EHHADH: variants seen among roughly 807,000 people sequenced by gnomAD.
The protein encoded by EHHADH is peroxisomal bifunctional enzyme.
In EHHADH, 48 loss-of-function variants were observed where a neutral mutation model predicts 64.4. That is an observed-to-expected ratio of 0.75 (90% CI 0.59 to 0.95). The LOEUF (loss-of-function observed/expected upper bound fraction) is 0.95, where lower values mean the gene tolerates loss of function less well. Among genes scored for constraint, EHHADH ranks in the 40% least tolerant of loss-of-function variants. EHHADH has a pLI of 0.00. For synonymous variants in EHHADH, 308 were observed against 326.7 expected (o/e 0.94, Z 0.62); for missense variants, 854 against 876.6 (o/e 0.97, Z 0.33).
At chr3:185,232,517 C>T (rs548768043) in intron 3 of EHHADH, among the ~76,000 whole-genome samples, 5 of 152,210 alleles carry the variant, frequency 3.3e-5, no homozygotes, top group South Asian at 2.1e-4. Context: ...GGTGCGATCT[C>T]GGCTCACTGC....
At chr3:185,251,004 A>T (rs1719729200) in intron 1 of EHHADH, among the ~76,000 whole-genome samples, 1 of 152,214 alleles carries the variant, frequency 6.6e-6, no homozygotes. Flanking sequence ...AAACAGGAAA[A>T]AAATGAAAAT....
chr3:185,203,592 G>A (rs1008505772), intron 6 of EHHADH, among the ~76,000 whole-genome samples: 5 of 152,176 alleles, frequency 3.3e-5, no homozygotes, highest in Admixed American at 3.3e-4. Context: ...AGCATCTGAG[G>A]AAGGAAGATA....
intron 6 of EHHADH, among the ~76,000 whole-genome samples, chr3:185,200,565 A>G (rs938777561): frequency 6.6e-6 from 1 of 152,198 alleles, no homozygotes; most frequent in Admixed American, 6.5e-5. Context: ...CAAGCTTCAT[A>G]TAGTTCTCTA....
At chr3:185,239,908 CTGTGGTTT>C in intron 2 of EHHADH, among the ~76,000 whole-genome samples, 1 of 152,122 alleles carries the variant, frequency 6.6e-6, no homozygotes, top group East Asian at 1.9e-4. Context: ...ATGATGTTGG[CTGTGGTTT>C]TGTTGTATAT....
chr3:185,223,112 G>A (rs900604574), intron 4 of EHHADH, among the ~76,000 whole-genome samples: 1 of 151,554 alleles, frequency 6.6e-6, no homozygotes, highest in Non-Finnish European at 1.5e-5. Context: ...TTTTTGCCTT[G>A]TGCTTTGGGA....
intron 2 of EHHADH, chr3:185,246,150 C>T (rs1019679632): frequency 1.8e-6 from 2 of 1,132,850 alleles, no homozygotes; most frequent in African/African-American, 3.1e-5. Flanking sequence ...TCTTAAGATC[C>T]TTTACAACTT....
rs776960559 is a variant in EHHADH at position 185,191,614 on chromosome 3, G to T, written c.*612C>A. ...TCACAGAATTGGGAAATCCTAGAAG[G>T]TTAGATGTTCTCTAAGACCCTTCTT... On this transcript the variant is annotated 3_prime_UTR_variant, in exon 7 of 7. Transcript: ENST00000231887. 2.0e-5 allele frequency: 3 copies of T among 152,254 alleles called. No individual in the cohort carries two copies. Among genetic ancestry groups the T allele is most frequent in the Non-Finnish European group, 4.4e-5 (3 of 68,114 alleles). 9.4% of individuals were successfully genotyped at this position (152,254 alleles called of 1,614,324 possible). A position where few individuals can be genotyped will look rare whatever the true frequency, so the allele number is the denominator to read the frequency against.
At chr3:185,207,045 T>C (rs769187953) in intron 5 of EHHADH, among the ~76,000 whole-genome samples, 1 of 152,116 alleles carries the variant, frequency 6.6e-6, no homozygotes. Context: ...TCCAGTACTC[T>C]GGGAGGCCGA....
intron 1 of EHHADH, 134 bp from the exon 2 acceptor site, chr3:185,248,651 G>C (rs371962830): frequency 3.3e-6 from 2 of 604,998 alleles, no homozygotes; most frequent in South Asian, 4.5e-5. Context: ...TCTCAATAAA[G>C]CTTCCAACAA....
intron 6 of EHHADH, among the ~76,000 whole-genome samples, chr3:185,194,441 C>T (rs1276801185): frequency 5.3e-5 from 8 of 151,980 alleles, no homozygotes; most frequent in Non-Finnish European, 7.4e-5. Context: ...GGAGAAAACC[C>T]GTCTCTACTA....
intron 3 of EHHADH, among the ~76,000 whole-genome samples, chr3:185,233,286 A>G (rs1379848084): frequency 6.6e-6 from 1 of 152,220 alleles, no homozygotes; most frequent in Admixed American, 6.5e-5. Flanking sequence ...ATTAATCTGA[A>G]CTACATTGTC....
At chr3:185,195,788 G>A (rs1718042604) in intron 6 of EHHADH, among the ~76,000 whole-genome samples, 1 of 152,156 alleles carries the variant, frequency 6.6e-6, no homozygotes. Context: ...GGGGGAGTGA[G>A]GGAAGACGGA....
At chr3:185,228,963 C>T (rs1719078538) in intron 4 of EHHADH, among the ~76,000 whole-genome samples, 1 of 151,824 alleles carries the variant, frequency 6.6e-6, no homozygotes, top group Non-Finnish European at 1.5e-5. Flanking sequence ...GCCACCATGC[C>T]CAGGTAATTT....
intron 5 of EHHADH, among the ~76,000 whole-genome samples, chr3:185,205,903 GCAA>G (rs1718375811): frequency 6.6e-6 from 1 of 152,104 alleles, no homozygotes; most frequent in Non-Finnish European, 1.5e-5. Flanking sequence ...TCTGAGATGT[GCAA>G]GCACCAAGAA....
chr3:185,225,938 A>G (rs1239833626), intron 4 of EHHADH, among the ~76,000 whole-genome samples: 1 of 152,102 alleles, frequency 6.6e-6, no homozygotes, highest in Non-Finnish European at 1.5e-5. Context: ...TTCACCTCCC[A>G]TTCCTAACAT....
chr3:185,204,062 G>A (rs1718302811), intron 6 of EHHADH, among the ~76,000 whole-genome samples: 1 of 149,700 alleles, frequency 6.7e-6, no homozygotes, highest in East Asian at 2.0e-4. Flanking sequence ...GAACCTGGGA[G>A]GTGGAGGTTG....
rs145221455 is a variant in EHHADH, at chr3:185,192,413, C to T, written c.1985G>A (p.Gly662Glu). 9 of 1,614,040 alleles carry T rather than the reference C, an allele frequency of 5.6e-6. No individual in the cohort carries two copies. In the African/African-American group the frequency reaches 1.1e-4, roughly 19 times the overall value. Residue 662 changes from glycine to glutamate, a missense_variant, in exon 7 of 7, where the codon GGG becomes GAG. Transcript: ENST00000231887. Reference protein sequence around the residue: ...HGYGWPRHKGGPMFYASTVGL... With the variant: ...HGYGWPRHKGEPMFYASTVGL... The stretch of plus-strand genomic sequence containing the variant: ...AACTGTGGAAGCATAGAACATGGGC[C>T]CGCCCTTGTGCCTTGGCCATCCATA...
chr3:185,252,463 G>A (rs1719776859), intron 1 of EHHADH, among the ~76,000 whole-genome samples: 1 of 151,004 alleles, frequency 6.6e-6, no homozygotes, highest in South Asian at 2.1e-4. Context: ...AATATTCCTA[G>A]TCATGGGTAT....
At chr3:185,238,534 T>C (rs1466248027) in intron 2 of EHHADH, among the ~76,000 whole-genome samples, 3 of 152,210 alleles carry the variant, frequency 2.0e-5, no homozygotes, top group African/African-American at 7.2e-5. Context: ...CATATGTTTA[T>C]TGGCCACTTG....
Sources: gnomAD v4.1 joint callset for allele counts (sites outside exome capture counted in the v4.1 genomes callset) on GRCh38, gnomAD v4.1.1 for gene constraint, MANE v1.5 for transcripts, NCBI Gene and HGNC (gene_info 2026-07-23, HGNC 2026-07-21) for gene names.